Variants in PRR16 observed in about 807,000 individuals in gnomAD.
PRR16 encodes the protein protein Largen.
In PRR16, 6 loss-of-function variants were observed where a neutral mutation model predicts 18.2. The ratio of observed to expected loss-of-function variants is 0.33; its 90% CI spans 0.18 to 0.65. The LOEUF (loss-of-function observed/expected upper bound fraction) is 0.65, where lower values mean the gene tolerates loss of function less well. Among genes scored for constraint, PRR16 ranks in the 30% least tolerant of loss-of-function variants. The pLI, the probability that PRR16 is intolerant of heterozygous loss-of-function variation, is 0.74. For missense variants in PRR16, 412 were observed against 376.6 expected, an observed-to-expected ratio of 1.09 and a Z score of -0.78; for synonymous variants, 151 against 147.8, an observed-to-expected ratio of 1.02 and a Z score of -0.16.
chr5:120,526,703 C>A (rs1405350006), intron 1 of PRR16, among the ~76,000 whole-genome samples: 1 of 152,162 alleles, frequency 6.6e-6, no homozygotes, highest in Non-Finnish European at 1.5e-5. Context: ...ATGCCCTGAT[C>A]TCTGAAAAAT....
chr5:120,630,446 A>G (rs1315168101), intron 1 of PRR16, among the ~76,000 whole-genome samples: 1 of 152,144 alleles, frequency 6.6e-6, no homozygotes, highest in Non-Finnish European at 1.5e-5. Flanking sequence ...TCTGACTTTC[A>G]TCTACTCTGG....
intron 1 of PRR16, among the ~76,000 whole-genome samples, chr5:120,544,871 A>G (rs912862124): frequency 1.5e-4 from 23 of 152,210 alleles, no homozygotes; most frequent in African/African-American, 5.1e-4. Context: ...AAAAATTTAG[A>G]TGGCAGTATT....
chr5:120,519,386 A>G (rs1007641747), intron 1 of PRR16, among the ~76,000 whole-genome samples: 1 of 152,190 alleles, frequency 6.6e-6, no homozygotes, highest in Non-Finnish European at 1.5e-5. Context: ...GAAGAATGCT[A>G]GCTTCTTAGA....
At chr5:120,791,622 TCCATC>T in the PRR16 span, among the ~76,000 whole-genome samples, 2 of 141,558 alleles carry the variant, frequency 1.4e-5, no homozygotes, top group African/African-American at 5.4e-5. Flanking sequence ...TATCTATCTA[TCCATC>T]CATCTATCAT....
At chr5:120,712,989 AGT>A in the PRR16 span, among the ~76,000 whole-genome samples, 1 of 152,174 alleles carries the variant, frequency 6.6e-6, no homozygotes, top group Non-Finnish European at 1.5e-5. Flanking sequence ...AAATAAAATT[AGT>A]AACTTGAAGA....
At chr5:120,781,313 A>G in the PRR16 span, 1 of 152,196 alleles carries the variant, frequency 6.6e-6, no homozygotes, top group Admixed American at 6.5e-5. Context: ...TGTATGTGAC[A>G]TAGAAGCATT....
the PRR16 span, among the ~76,000 whole-genome samples, chr5:120,720,397 T>C: frequency 1.3e-5 from 2 of 152,046 alleles, no homozygotes; most frequent in Non-Finnish European, 2.9e-5. Context: ...TGAAAATATA[T>C]GCATCTTTCT....
intron 1 of PRR16, among the ~76,000 whole-genome samples, chr5:120,494,543 G>C (rs1369060010): frequency 1.3e-5 from 2 of 151,998 alleles, no homozygotes; most frequent in Non-Finnish European, 2.9e-5. Context: ...TTGATAATAT[G>C]TTCTCTCACA....
intron 1 of PRR16, among the ~76,000 whole-genome samples, chr5:120,634,765 A>G (rs1045013674): frequency 3.3e-5 from 5 of 152,166 alleles, no homozygotes; most frequent in African/African-American, 1.2e-4. Flanking sequence ...CAAAGATCAG[A>G]GCAGAACTAA....
rs989815518 is a variant in PRR16, at chr5:120,546,168, C to G, written c.159+81523C>G. ...CCATGCTCTTAAGTATCATGTTGCT[C>G]TATATCCATATTTAGTGTAACAAAG... On this transcript the variant is annotated intron_variant, in intron 1 of 1. Transcript: ENST00000407149. Among the ~76,000 whole-genome samples, 6 of 151,992 alleles carry G rather than the reference C, an allele frequency of 3.9e-5. No individual in the cohort carries two copies. The East Asian group carries it at 1.2e-3, about 29-fold the overall frequency.
At chr5:120,673,251 G>A (rs1756676970) in intron 1 of PRR16, among the ~76,000 whole-genome samples, 1 of 152,134 alleles carries the variant, frequency 6.6e-6, no homozygotes, top group Admixed American at 6.5e-5. Flanking sequence ...CTTGTTTTAT[G>A]TTTCTTTTTC....
chr5:120,685,887 A>C, intron 1 of PRR16, 67 bp from the exon 2 acceptor site: 2 of 1,471,918 alleles, frequency 1.4e-6, no homozygotes, highest in Non-Finnish European at 1.8e-6. Context: ...CTAGACAAAA[A>C]TAAATTGTTT....
At chr5:120,489,944 G>T (rs1030416839) in intron 1 of PRR16, among the ~76,000 whole-genome samples, 2 of 152,288 alleles carry the variant, frequency 1.3e-5, no homozygotes, top group African/African-American at 4.8e-5. Context: ...ATTCTGGGTT[G>T]AAAATTCTTT....
chr5:120,621,167 C>G (rs1260418692), intron 1 of PRR16, among the ~76,000 whole-genome samples: 1 of 152,092 alleles, frequency 6.6e-6, no homozygotes, highest in Non-Finnish European at 1.5e-5. Flanking sequence ...ATATGAATTC[C>G]TTACCAAACT....
the PRR16 span, among the ~76,000 whole-genome samples, chr5:120,784,427 T>C: frequency 6.6e-6 from 1 of 152,236 alleles, no homozygotes; most frequent in Admixed American, 6.5e-5. Context: ...TATCTCATTG[T>C]GGTTTTAATT....
chr5:120,573,796 A>T (rs989018733), intron 1 of PRR16, among the ~76,000 whole-genome samples: 2 of 152,200 alleles, frequency 1.3e-5, no homozygotes, highest in African/African-American at 4.8e-5. Context: ...TCAATTGAAT[A>T]TATAGAATTG....
the PRR16 span, among the ~76,000 whole-genome samples, chr5:120,724,632 T>C: frequency 7.2e-5 from 11 of 152,220 alleles, no homozygotes; most frequent in East Asian, 2.1e-3. Flanking sequence ...CCTGTTTAAC[T>C]CTTTGACATT....
At chr5:120,508,389 T>G (rs1750713595) in intron 1 of PRR16, among the ~76,000 whole-genome samples, 1 of 152,116 alleles carries the variant, frequency 6.6e-6, no homozygotes, top group Non-Finnish European at 1.5e-5. Flanking sequence ...TATATGCAAT[T>G]GAACACAATT....
chr5:120,688,354 C>T (rs1757171719), downstream of PRR16, among the ~76,000 whole-genome samples: 2 of 151,944 alleles, frequency 1.3e-5, no homozygotes, highest in African/African-American at 2.4e-5. Context: ...ATAATGAAAG[C>T]AAAATAATCC....
Sources: allele counts gnomAD v4.1 joint callset (sites outside exome capture counted in the v4.1 genomes callset), GRCh38; gene constraint gnomAD v4.1.1; transcripts MANE v1.5; gene names NCBI Gene and HGNC (gene_info 2026-07-23, HGNC 2026-07-21).